PLEKHG4B: variants seen among roughly 807,000 people sequenced by gnomAD.
PLEKHG4B encodes the protein pleckstrin homology domain-containing family G member 4B.
Under a neutral mutation model 121.3 loss-of-function variants are expected in PLEKHG4B, and 111 were observed. The ratio of observed to expected loss-of-function variants is 0.92; its 90% CI spans 0.78 to 1.07. The LOEUF (loss-of-function observed/expected upper bound fraction) is 1.07, where lower values mean the gene tolerates loss of function less well. Among genes scored for constraint, PLEKHG4B ranks in the 50% least tolerant of loss-of-function variants. PLEKHG4B has a pLI of 0.00. For synonymous variants in PLEKHG4B, 738 were observed against 725.0 expected, an observed-to-expected ratio of 1.02 and a Z score of -0.29; for missense variants, 1,831 against 1,757.8, an observed-to-expected ratio of 1.04 and a Z score of -0.74.
chr5:138,440 G>T (rs1194269033), intron 2 of PLEKHG4B, among the ~76,000 whole-genome samples: 3 of 152,324 alleles, frequency 2.0e-5, no homozygotes, highest in Non-Finnish European at 2.9e-5. Flanking sequence ...GAGAGTTGAA[G>T]CCCAGTAAGA....
intron 2 of PLEKHG4B, among the ~76,000 whole-genome samples, chr5:119,076 T>C (rs568687487): frequency 6.6e-6 from 1 of 151,958 alleles, no homozygotes; most frequent in East Asian, 1.9e-4. Flanking sequence ...CCCAGGCTGG[T>C]CTCAAACTCC....
chr5:118,153 A>G (rs1429641340), intron 2 of PLEKHG4B, among the ~76,000 whole-genome samples: 1 of 152,218 alleles, frequency 6.6e-6, no homozygotes, highest in Non-Finnish European at 1.5e-5. Context: ...GGTCTAAAGA[A>G]GATCATTCAA....
chr5:150,571 C>T (rs1397204870), intron 6 of PLEKHG4B, among the ~76,000 whole-genome samples: 1 of 152,030 alleles, frequency 6.6e-6, no homozygotes, highest in Non-Finnish European at 1.5e-5. Flanking sequence ...TATATACGGT[C>T]TCAAAACTCA....
At chr5:123,832 C>T (rs901048831) in intron 2 of PLEKHG4B, among the ~76,000 whole-genome samples, 2 of 151,836 alleles carry the variant, frequency 1.3e-5, no homozygotes, top group Non-Finnish European at 2.9e-5. Context: ...TTTTGTCTCA[C>T]GTTTTTCTAT....
At chr5:155,263 C>A in intron 8 of PLEKHG4B, 82 bp from the exon 9 acceptor site, 1 of 1,259,920 alleles carries the variant, frequency 7.9e-7, no homozygotes, top group Non-Finnish European at 1.2e-6. Context: ...GGTCTAAATG[C>A]AGAAACTGGA....
At chr5:140,814 C>T (rs1460763917) in intron 3 of PLEKHG4B, 98 bp downstream of exon 3, 15 of 978,372 alleles carry the variant, frequency 1.5e-5, no homozygotes, top group Non-Finnish European at 2.1e-5. Context: ...CCTACAAACC[C>T]CCACAACCTC....
At chr5:114,268 T>C (rs1734241433) in intron 2 of PLEKHG4B, among the ~76,000 whole-genome samples, 1 of 152,210 alleles carries the variant, frequency 6.6e-6, no homozygotes, top group South Asian at 2.1e-4. Flanking sequence ...CTCTTCCTTT[T>C]ATGAACGATT....
chr5:107,192 C>T (rs1026418863), intron 1 of PLEKHG4B, among the ~76,000 whole-genome samples: 1 of 152,178 alleles, frequency 6.6e-6, no homozygotes, highest in African/African-American at 2.4e-5. Context: ...GAGGTGCCAG[C>T]CCTGCTGAGG....
chr5:96,990 A>C (rs1016065722), intron 1 of PLEKHG4B, among the ~76,000 whole-genome samples: 2 of 152,266 alleles, frequency 1.3e-5, no homozygotes, highest in Non-Finnish European at 2.9e-5. Context: ...CGGTCAGTAC[A>C]TTCACAATGT....
intron 12 of PLEKHG4B, among the ~76,000 whole-genome samples, chr5:162,221 C>T (rs1046407869): frequency 7.9e-5 from 12 of 151,734 alleles, no homozygotes; most frequent in Non-Finnish European, 1.6e-4. Context: ...CCACTGATTG[C>T]CCAAAACCCT....
rs150706952 is a variant in PLEKHG4B, at chr5:156,787, C to T, written c.2363C>T (p.Ala788Val). ...CTCTTCCTCAGGGACACCCTGGAGG[C>T]CGCCACAAGCCTGTACGACCGAGTG... The part of the protein sequence containing the change: ...GTEDSRDTLE[A>V]ATSLYDRVDE... Residue 788 changes from alanine (A) to valine (V), a missense_variant, in exon 11 of 20, where the codon GCC (alanine) becomes GTC (valine). Transcript: ENST00000637938. The surrounding 1 kb of genome is among the most constrained non-coding windows in gnomAD (Gnocchi z 4.4). 1.4e-3 allele frequency: 2,186 copies of T among 1,557,762 alleles called. 2 individuals carry two copies. The highest frequency in any genetic ancestry group is 1.2e-3 in the Non-Finnish European group (1,365 of 1,150,922).
chr5:169,074 C>T, intron 13 of PLEKHG4B: 1 of 457,470 alleles, frequency 2.2e-6, no homozygotes, highest in South Asian at 2.4e-5. Context: ...CGAGGTTTCA[C>T]CATGTTGGCC....
rs1200069038 is a variant in PLEKHG4B, at chr5:137,538, T to G, written c.244-1945T>G. On this transcript the variant is annotated intron_variant, in intron 2 of 19. Coordinates refer to ENST00000637938, the MANE Select transcript of PLEKHG4B (RefSeq NM_052909.5). The surrounding 1 kb of genome is among the most constrained non-coding windows in gnomAD (Gnocchi z 4.2). ...TACAGTGAAGAAACCCTATGCATAT[T>G]GGAAATAGGGTTTGGAAATAGGTTT... 6.6e-6 allele frequency among the ~76,000 whole-genome samples: 1 copy of G among 152,166 alleles called. No homozygotes were observed. Among genetic ancestry groups the G allele is most frequent in the African/African-American group, 2.4e-5 (1 of 41,426 alleles).
At position 119,196 on chromosome 5, in the gene PLEKHG4B, T is replaced by C. The variant is rs144548404; in HGVS notation, c.243+5748T>C. Among the ~76,000 whole-genome samples, 284 of 152,218 alleles carry C rather than the reference T, an allele frequency of 1.9e-3. 1 individual carries two copies. The highest frequency in any genetic ancestry group is 2.8e-3 in the Non-Finnish European group (190 of 68,024). On this transcript the variant is annotated intron_variant, in intron 2 of 19. Transcript: ENST00000637938. ...ACATGTAGCTTACTAGGATTGACCA[T>C]TGTCCGTAAAGTGTCAACAAATACC...
intron 1 of PLEKHG4B, among the ~76,000 whole-genome samples, chr5:108,237 TG>T (rs1170232566): frequency 6.6e-6 from 1 of 152,236 alleles, no homozygotes; most frequent in Non-Finnish European, 1.5e-5. Flanking sequence ...AGGGATGATG[TG>T]GCTTTTGGTG....
In PLEKHG4B at chr5:140,435, A is replaced by G; in HGVS notation, c.1196A>G (p.Glu399Gly). ...GGGGCAGTAGCCAGTGGGACCCAGG[A>G]GGAAACCTCTGGCCCCCGGGGAGAC... ...GTGAVASGTQ[E>G]ETSGPRGDPQ... Residue 399 changes from glutamate to glycine, a missense_variant, in exon 3 of 20, where the codon GAG becomes GGG. Coordinates refer to ENST00000637938, the MANE Select transcript of PLEKHG4B (RefSeq NM_052909.5). 5 of 1,570,628 alleles carry G rather than the reference A, an allele frequency of 3.2e-6. No homozygotes were observed. Among genetic ancestry groups the G allele is most frequent in the Non-Finnish European group, 4.3e-6 (5 of 1,158,622 alleles).
At position 185,404 on chromosome 5, in the gene PLEKHG4B, A is replaced by T. The variant is rs7734578; in HGVS notation, c.*3081A>T. On this transcript the variant is annotated 3_prime_UTR_variant, in exon 20 of 20. Transcript: ENST00000637938. ...AATCCCAACAAAGCAGTATTTTTTT[A>T]AAGTACAATCATGCACACAGCACTT... 0.51 allele frequency: 78,203 copies of T among 152,174 alleles called. 23,060 individuals are homozygous for T. The highest frequency in any genetic ancestry group is 0.67 in the Non-Finnish European group (45,588 of 67,998). The allele number at this position is 152,174 out of a possible 1,614,324, so 9.4% of individuals were successfully genotyped here. A position where few individuals can be genotyped will look rare whatever the true frequency, so the allele number is the denominator to read the frequency against.
intron 2 of PLEKHG4B, among the ~76,000 whole-genome samples, chr5:117,849 T>C (rs774778028): frequency 6.6e-6 from 1 of 151,982 alleles, no homozygotes; most frequent in Non-Finnish European, 1.5e-5. Flanking sequence ...TGAGACTGTC[T>C]CAAAAAGAAC....
At chr5:146,423 C>T (rs1417849706) in intron 6 of PLEKHG4B, among the ~76,000 whole-genome samples, 1 of 146,096 alleles carries the variant, frequency 6.8e-6, no homozygotes, top group African/African-American at 2.6e-5. Context: ...CACTATGGTC[C>T]TCCCTCCTCT....
Sources: gnomAD v4.1 joint callset for allele counts (sites outside exome capture counted in the v4.1 genomes callset) on GRCh38, gnomAD v4.1.1 for gene constraint, Gnocchi (gnomAD v3.1) non-coding constraint, MANE v1.5 for transcripts, NCBI Gene and HGNC (gene_info 2026-07-23, HGNC 2026-07-21) for gene names.